Variants in UPB1 observed in about 807,000 individuals in gnomAD.
UPB1 encodes beta-ureidopropionase.
Under a neutral mutation model 49.1 loss-of-function variants are expected in UPB1, and 40 were observed. The observed-to-expected ratio is 0.81, with a 90% CI of 0.63 to 1.06. The LOEUF (loss-of-function observed/expected upper bound fraction) is 1.06, where lower values mean the gene tolerates loss of function less well. Ranked by LOEUF, UPB1 falls within the 50% of genes least tolerant of loss-of-function variation. UPB1 has a pLI of 0.00. For missense variants in UPB1, 499 were observed against 505.9 expected (o/e 0.99, Z 0.13); for synonymous variants, 207 against 198.2 (o/e 1.04, Z -0.38).
chr22:24,506,126 TTC>T (rs1185629339), intron 3 of UPB1, among the ~76,000 whole-genome samples: 2 of 150,922 alleles, frequency 1.3e-5, no homozygotes, highest in Admixed American at 6.6e-5. Flanking sequence ...GTTCAAAAAA[TTC>T]TCCTGCCTCA....
chr22:24,521,866 C>T (rs556787154), intron 7 of UPB1, 120 bp from the exon 8 acceptor site: 3 of 1,024,078 alleles, frequency 2.9e-6, no homozygotes, highest in African/African-American at 1.6e-5. Context: ...CTCACCTTAA[C>T]TGTTTCCTGG....
In UPB1 at chr22:24,523,767, C is replaced by A; in HGVS notation, c.1065C>A (p.Asn355Lys). The change falls in exon 9 of 10, where the codon AAC becomes AAA. Residue 355 changes from asparagine (N) to lysine (K), a missense_variant. Coordinates refer to ENST00000326010, the MANE Select transcript of UPB1 (RefSeq NM_016327.3). ...GCCAGCAGGTGAATGATGTCTGGAA[C>A]TTCAAGGTAGGTCCCCAGGACCCCT... ...NLCQQVNDVW[N>K]FKMTGRYEMY... The A allele has an allele frequency of 6.2e-7, 1 of 1,614,242 alleles. No homozygotes were observed. The highest frequency in any genetic ancestry group is 8.5e-7 in the Non-Finnish European group (1 of 1,180,044).
Position 24,495,418 on chromosome 22 carries a change from G to A in UPB1, c.15G>A (p.Glu5=). Reference sequence around the variant, plus strand: ...GGACCGTGGCCATGGCGGGCGCTGAGTGGAAGTCGCTGGAGGAATGCTTGG... The same window carrying A: ...GGACCGTGGCCATGGCGGGCGCTGAATGGAAGTCGCTGGAGGAATGCTTGG... The part of the protein sequence containing the change: MAGA[E]WKSLEECLEK... The change falls in exon 1 of 10, where the codon GAG becomes GAA. Residue 5 remains glutamate (E), a synonymous_variant. Coordinates refer to ENST00000326010, the MANE Select transcript of UPB1 (RefSeq NM_016327.3). 1 of 1,613,398 alleles carries A rather than the reference G, an allele frequency of 6.2e-7. No homozygotes were observed. The highest frequency in any genetic ancestry group is 8.5e-7 in the Non-Finnish European group (1 of 1,180,030).
chr22:24,526,016 A>G lies in UPB1; in HGVS notation c.*222A>G. On this transcript the variant is annotated 3_prime_UTR_variant, in exon 10 of 10. Transcript: ENST00000326010. The stretch of plus-strand genomic sequence containing the variant: ...ATGTTTGGGGACTAGGTAGAGGTGA[A>G]TGTACTAAATGCCACTGAATTTGTA... 1 of 583,252 alleles carries G rather than the reference A, an allele frequency of 1.7e-6. No individual in the cohort carries two copies. The highest frequency in any genetic ancestry group is 3.1e-6 in the Non-Finnish European group (1 of 325,890). The allele number at this position is 583,252 out of a possible 1,614,324, so 36.1% of individuals were successfully genotyped here.
intron 1 of UPB1, among the ~76,000 whole-genome samples, chr22:24,499,895 C>G (rs1241253063): frequency 6.6e-6 from 1 of 152,182 alleles, no homozygotes; most frequent in Non-Finnish European, 1.5e-5. Context: ...GGTCTCCCTG[C>G]CAATTGCAGG....
At position 24,496,372 on chromosome 22, in the gene UPB1, A is replaced by AACACAC. The variant is rs60159909; in HGVS notation, c.104+891_104+896dup. 9.9e-3 allele frequency among the ~76,000 whole-genome samples: 1,407 copies of AACACAC among 141,596 alleles called. 28 individuals are homozygous for AACACAC. Among genetic ancestry groups the AACACAC allele is most frequent in the African/African-American group, 0.026 (954 of 37,132 alleles). 92.9% of individuals were successfully genotyped at this position (141,596 alleles called of 152,430 possible). Reference sequence around the variant, plus strand: ...GGAGTCAGAGTGAGGCCCTGTCTCAAACACACACACACACACACACACACA... The same window carrying AACACAC: ...GGAGTCAGAGTGAGGCCCTGTCTCAAACACACACACACACACACACACACACACACA... On this transcript the variant is annotated intron_variant, in intron 1 of 9. Transcript: ENST00000326010.
At chr22:24,521,460 A>G (rs1358732266) in intron 7 of UPB1, among the ~76,000 whole-genome samples, 1 of 152,112 alleles carries the variant, frequency 6.6e-6, no homozygotes. Context: ...GGGCAACAAA[A>G]ATGAAACTCC....
chr22:24,505,205 A>G (rs1176853175), intron 3 of UPB1, among the ~76,000 whole-genome samples: 1 of 152,130 alleles, frequency 6.6e-6, no homozygotes, highest in Non-Finnish European at 1.5e-5. Context: ...CATGGTTGCG[A>G]TATCTTCTCT....
intron 4 of UPB1, among the ~76,000 whole-genome samples, chr22:24,512,032 G>A (rs2044215521): frequency 6.6e-6 from 1 of 151,860 alleles, no homozygotes; most frequent in Non-Finnish European, 1.5e-5. Context: ...TCTCTTTCAG[G>A]TTTTATACAT....
intron 1 of UPB1, 38 bp downstream of exon 1, chr22:24,495,545 G>A: frequency 6.2e-7 from 1 of 1,607,976 alleles, no homozygotes; most frequent in Non-Finnish European, 8.5e-7. Flanking sequence ...GGGTCTTGGG[G>A]CCACAGAGTG....
chr22:24,512,236 C>T (rs2044219293), intron 4 of UPB1, among the ~76,000 whole-genome samples: 1 of 152,154 alleles, frequency 6.6e-6, no homozygotes, highest in Non-Finnish European at 1.5e-5. Flanking sequence ...TAAGTCTGAG[C>T]CAGGGCTGGA....
chr22:24,523,522 C>T, intron 8 of UPB1, 97 bp from the exon 9 acceptor site: 10 of 1,563,474 alleles, frequency 6.4e-6, no homozygotes, highest in Non-Finnish European at 7.0e-6. Context: ...ATGGCATGGA[C>T]TCCGTGTCCT....
intron 1 of UPB1, among the ~76,000 whole-genome samples, chr22:24,499,497 A>C (rs2043951093): frequency 6.6e-6 from 1 of 152,286 alleles, no homozygotes; most frequent in Non-Finnish European, 1.5e-5. Context: ...GTGGATGAGC[A>C]CTTAGGGCTT....
chr22:24,509,781 T>C (rs1462105819), intron 3 of UPB1, among the ~76,000 whole-genome samples: 1 of 152,212 alleles, frequency 6.6e-6, no homozygotes, highest in East Asian at 1.9e-4. Context: ...GTACAGTCTG[T>C]GGCATTAAAT....
At position 24,502,510 on chromosome 22, in the gene UPB1, A is replaced by G. The variant is rs2044012396; in HGVS notation, c.364+297A>G. The stretch of plus-strand genomic sequence containing the variant: ...ACCTCTGGCTTTTGTAATTCCCTCC[A>G]GCTGGTCTCCTGTGCCCTCCTGACC... On this transcript the variant is annotated intron_variant, in intron 3 of 9. Transcript: ENST00000326010. 3 of 780,024 alleles carry G rather than the reference A, an allele frequency of 3.8e-6. 1 individual carries two copies. The African/African-American group carries it at 5.1e-5, about 13-fold the overall frequency. 48.3% of individuals were successfully genotyped at this position (780,024 alleles called of 1,614,324 possible). A position where few individuals can be genotyped will look rare whatever the true frequency, so the allele number is the denominator to read the frequency against.
intron 3 of UPB1, chr22:24,503,456 T>C (rs560506564): frequency 2.0e-4 from 30 of 152,258 alleles, no homozygotes; most frequent in African/African-American, 7.2e-4. Context: ...GTGTAGTGGA[T>C]CCTTATAGAT....
At chr22:24,516,383 G>A (rs1233547002) in intron 6 of UPB1, 1 of 152,286 alleles carries the variant, frequency 6.6e-6, no homozygotes, top group Non-Finnish European at 1.5e-5. Flanking sequence ...GAGCTGATCT[G>A]ACTGCATGAC....
chr22:24,509,941 G>T (rs1293228907), intron 3 of UPB1, among the ~76,000 whole-genome samples: 1 of 151,940 alleles, frequency 6.6e-6, no homozygotes, highest in Non-Finnish European at 1.5e-5. Context: ...TTAAGAATTT[G>T]ACTACTCTAG....
intron 7 of UPB1, among the ~76,000 whole-genome samples, chr22:24,520,741 C>G (rs970757665): frequency 3.3e-5 from 5 of 152,236 alleles, no homozygotes; most frequent in African/African-American, 1.2e-4. Flanking sequence ...ATACACTTAA[C>G]AGTTTTGACT....
Sources: allele counts gnomAD v4.1 joint callset (sites outside exome capture counted in the v4.1 genomes callset), GRCh38; gene constraint gnomAD v4.1.1; transcripts MANE v1.5; gene names NCBI Gene and HGNC (gene_info 2026-07-23, HGNC 2026-07-21).